Variants in SGIP1 observed in about 807,000 individuals in gnomAD.
SGIP1 encodes the protein SH3GL interacting endocytic adaptor 1.
Under a neutral mutation model 107.5 loss-of-function variants are expected in SGIP1, and 38 were observed. The observed-to-expected ratio is 0.35, with a 90% CI of 0.27 to 0.46. The LOEUF is 0.46. SGIP1 is among the 20% of genes least tolerant of loss of function. The probability of loss-of-function intolerance (pLI) is 1.00; values close to 1 mark genes in which losing one functional copy is unlikely to be tolerated. For missense variants in SGIP1, 929 were observed against 1,019.5 expected, an observed-to-expected ratio of 0.91 and a Z score of 1.21; for synonymous variants, 365 against 366.1, an observed-to-expected ratio of 1.00 and a Z score of 0.03.
intron 15 of SGIP1, 47 bp downstream of exon 15, chr1:66,682,416 G>A: frequency 6.4e-7 from 1 of 1,562,552 alleles, no homozygotes; most frequent in Non-Finnish European, 8.6e-7. Context: ...GAATGGCCAT[G>A]GCTGCTGCAG....
At position 66,633,055 on chromosome 1, in the gene SGIP1, T is replaced by C; in HGVS notation, c.75-15T>C. The C allele has an allele frequency of 6.7e-7, 1 of 1,495,992 alleles. No homozygotes were observed. The allele number at this position is 1,495,992 out of a possible 1,614,324, so 92.7% of individuals were successfully genotyped here. A position where few individuals can be genotyped will look rare whatever the true frequency, so the allele number is the denominator to read the frequency against. ...ATTCCTTATCATAATAGCTATCAAT[T>C]TCTTTTTGTTACAGAGGTTCACCAG... On this transcript the variant is annotated splice_polypyrimidine_tract_variant and intron_variant, in intron 2 of 24. Transcript: ENST00000371037.
intron 18 of SGIP1, among the ~76,000 whole-genome samples, chr1:66,713,649 A>G (rs1330968578): frequency 6.6e-6 from 1 of 151,996 alleles, no homozygotes; most frequent in Non-Finnish European, 1.5e-5. Flanking sequence ...CTTTTATACA[A>G]TAAACTCCAT....
At chr1:66,673,432 A>T in intron 12 of SGIP1, 66 bp downstream of exon 12, 2 of 1,351,638 alleles carry the variant, frequency 1.5e-6, no homozygotes, top group South Asian at 2.9e-5. Flanking sequence ...ACTCTTCTAG[A>T]TTAAATGTAT....
chr1:66,679,638 G>C, intron 13 of SGIP1, 40 bp from the exon 14 acceptor site: 1 of 1,583,010 alleles, frequency 6.3e-7, no homozygotes. Flanking sequence ...GACTTAGGAA[G>C]CACATGACCA....
At chr1:66,542,373 T>C (rs1359619866) in intron 1 of SGIP1, among the ~76,000 whole-genome samples, 1 of 152,206 alleles carries the variant, frequency 6.6e-6, no homozygotes, top group Non-Finnish European at 1.5e-5. Context: ...TATTTTGTTA[T>C]ACAGTATGCA....
chr1:66,585,974 T>C (rs1185132215), intron 1 of SGIP1, among the ~76,000 whole-genome samples: 1 of 152,216 alleles, frequency 6.6e-6, no homozygotes, highest in Non-Finnish European at 1.5e-5. Context: ...CCAACTACAA[T>C]TGTGGATTTG....
chr1:66,700,171 G>A lies in SGIP1; in HGVS notation c.1630+4678G>A, dbSNP rs1462660325. Among the ~76,000 whole-genome samples the A allele has an allele frequency of 5.3e-5, 8 of 152,088 alleles. No individual in the cohort carries two copies. In the East Asian group the frequency reaches 1.5e-3, roughly 29 times the overall value. On this transcript the variant is annotated intron_variant, in intron 18 of 24. Coordinates refer to ENST00000371037, the MANE Select transcript of SGIP1 (RefSeq NM_032291.4). Reference sequence around the variant, plus strand: ...GGATCACCTGTGGTCAGGAGTTCAAGACCAGCACAGCCAACATGCCGAAAC... The same window carrying A: ...GGATCACCTGTGGTCAGGAGTTCAAAACCAGCACAGCCAACATGCCGAAAC...
chr1:66,750,679 A>C lies in SGIP1; in HGVS notation c.*7584A>C, dbSNP rs2094611046. 6.6e-6 allele frequency among the ~76,000 whole-genome samples: 1 copy of C among 152,200 alleles called. No individual in the cohort carries two copies. Among genetic ancestry groups the C allele is most frequent in the Admixed American group, 6.5e-5 (1 of 15,282 alleles). On this transcript the variant is annotated 3_prime_UTR_variant, in exon 25 of 25. Coordinates refer to ENST00000371037, the MANE Select transcript of SGIP1 (RefSeq NM_032291.4). ...CTACACGTCTATTTCAAAAGAGTAT[A>C]CTTTTTTCTGACAGCCATTACTGCT...
rs7550661 is a variant in SGIP1 at position 66,615,488 on chromosome 1, T to C, written c.11-10359T>C. Reference sequence around the variant, plus strand: ...TAATTTAACTTGAACGATTAAATGATACATGTAGTAAGAATTTATAGATTT... The same window carrying C: ...TAATTTAACTTGAACGATTAAATGACACATGTAGTAAGAATTTATAGATTT... On this transcript the variant is annotated intron_variant, in intron 1 of 24. Coordinates refer to ENST00000371037, the MANE Select transcript of SGIP1 (RefSeq NM_032291.4). Among the ~76,000 whole-genome samples, 684 of 152,324 alleles carry C rather than the reference T, an allele frequency of 4.5e-3. 5 individuals carry two copies. Among genetic ancestry groups the C allele is most frequent in the African/African-American group, 0.012 (504 of 41,572 alleles).
At chr1:66,712,132 ATGG>A (rs2092958560) in intron 18 of SGIP1, among the ~76,000 whole-genome samples, 1 of 152,192 alleles carries the variant, frequency 6.6e-6, no homozygotes, top group African/African-American at 2.4e-5. Context: ...ACTTGGTGAG[ATGG>A]TGGTGCAAAT....
chr1:66,677,584 T>G (rs570590138), intron 13 of SGIP1, among the ~76,000 whole-genome samples: 21 of 152,228 alleles, frequency 1.4e-4, no homozygotes, highest in Admixed American at 1.3e-4. Flanking sequence ...GAAGCTGAGA[T>G]AGTAGATCAG....
chr1:66,717,291 T>C (rs1054411855), intron 18 of SGIP1, among the ~76,000 whole-genome samples: 1 of 152,164 alleles, frequency 6.6e-6, no homozygotes, highest in Non-Finnish European at 1.5e-5. Flanking sequence ...TGGTAGTTGC[T>C]CAATAAACAT....
intron 18 of SGIP1, among the ~76,000 whole-genome samples, chr1:66,705,854 A>G (rs1053122423): frequency 1.3e-5 from 2 of 152,066 alleles, no homozygotes; most frequent in African/African-American, 2.4e-5. Flanking sequence ...GGAACAACAC[A>G]CACTGGGGCC....
At chr1:66,687,903 C>T (rs969502626) in intron 15 of SGIP1, among the ~76,000 whole-genome samples, 4 of 152,200 alleles carry the variant, frequency 2.6e-5, no homozygotes, top group Admixed American at 1.3e-4. Flanking sequence ...CAGAGAAACA[C>T]ACTCAGGATT....
At chr1:66,709,691 C>T (rs761178694) in intron 18 of SGIP1, among the ~76,000 whole-genome samples, 1 of 152,092 alleles carries the variant, frequency 6.6e-6, no homozygotes, top group Non-Finnish European at 1.5e-5. Flanking sequence ...CAGGAGAAGC[C>T]AAGGCAGCAC....
intron 3 of SGIP1, chr1:66,634,228 C>A: frequency 3.1e-6 from 4 of 1,276,510 alleles, no homozygotes; most frequent in South Asian, 1.3e-5. Flanking sequence ...TTCTCTGGTC[C>A]CCTCTGACCT....
intron 12 of SGIP1, 39 bp from the exon 13 acceptor site, chr1:66,676,965 T>C (rs1402265157): frequency 1.9e-6 from 3 of 1,540,562 alleles, no homozygotes; most frequent in Non-Finnish European, 2.6e-6. Context: ...TGGGGATTTT[T>C]TTTAACTCAC....
Position 66,602,314 on chromosome 1 carries a change from C to T in SGIP1, c.11-23533C>T, listed in dbSNP as rs548738670. 4.6e-5 allele frequency among the ~76,000 whole-genome samples: 7 copies of T among 152,150 alleles called. No homozygotes were observed. In the South Asian group the frequency reaches 1.4e-3, roughly 31 times the overall value. On this transcript the variant is annotated intron_variant, in intron 1 of 24. Transcript: ENST00000371037. ...AAATACTGAGCCATGGAGCAGTTGCCTTAGAATCGCCTGGAGACCTTTTTA... is the reference window on the plus strand; with the variant it reads ...AAATACTGAGCCATGGAGCAGTTGCTTTAGAATCGCCTGGAGACCTTTTTA...
intron 1 of SGIP1, among the ~76,000 whole-genome samples, chr1:66,606,470 G>C (rs573732696): frequency 2.6e-5 from 4 of 152,212 alleles, no homozygotes; most frequent in African/African-American, 9.6e-5. Flanking sequence ...GCAAAAGCAC[G>C]GTGGCTGTGT....
Sources: gnomAD v4.1 joint callset for allele counts (sites outside exome capture counted in the v4.1 genomes callset) on GRCh38, gnomAD v4.1.1 for gene constraint, MANE v1.5 for transcripts, NCBI Gene and HGNC (gene_info 2026-07-23, HGNC 2026-07-21) for gene names.